GPSM1: variants seen among roughly 807,000 people sequenced by gnomAD.
GPSM1 encodes the protein G protein-signaling modulator 1.
In GPSM1, 48 loss-of-function variants were observed where a neutral mutation model predicts 70.5. That is an observed-to-expected ratio of 0.68 (90% CI 0.54 to 0.87). GPSM1 has a LOEUF of 0.87. Ranked by LOEUF, GPSM1 falls within the 40% of genes least tolerant of loss-of-function variation. GPSM1 has a pLI of 0.00. For missense variants in GPSM1, 981 were observed against 972.6 expected (o/e 1.01, Z -0.11); for synonymous variants, 416 against 430.1 (o/e 0.97, Z 0.41).
At chr9:136,349,853 C>G (rs1832615925) in intron 11 of GPSM1, 90 bp downstream of exon 11, 1 of 1,272,694 alleles carries the variant, frequency 7.9e-7, no homozygotes, top group Non-Finnish European at 1.1e-6. Context: ...GGGGCCAGGT[C>G]AGGCCCGGGC....
chr9:136,348,623 A>C lies in GPSM1; in HGVS notation c.1208-74A>C, dbSNP rs1554771609. 17 of 1,169,802 alleles carry C rather than the reference A, an allele frequency of 1.5e-5. No individual in the cohort carries two copies. The East Asian group carries it at 3.7e-4, about 26-fold the overall frequency. The allele number at this position is 1,169,802 out of a possible 1,614,324, so 72.5% of individuals were successfully genotyped here. A position where few individuals can be genotyped will look rare whatever the true frequency, so the allele number is the denominator to read the frequency against. Reference sequence around the variant, plus strand: ...TGGCCGGGCTGGTCCTTGGCCCCCCAGAGACTCTGGCCTGGCCCACCCAAT... The same window carrying C: ...TGGCCGGGCTGGTCCTTGGCCCCCCCGAGACTCTGGCCTGGCCCACCCAAT... On this transcript the variant is annotated intron_variant, in intron 9 of 13. Coordinates refer to ENST00000440944, the MANE Select transcript of GPSM1 (RefSeq NM_001145638.3).
At position 136,358,403 on chromosome 9, in the gene GPSM1, C is replaced by G. The variant is rs1288427842; in HGVS notation, c.*183C>G. On this transcript the variant is annotated 3_prime_UTR_variant, in exon 14 of 14. Coordinates refer to ENST00000440944, the MANE Select transcript of GPSM1 (RefSeq NM_001145638.3). ...CCGTGGTGGGAGGGCGTGCTTCCAT[C>G]CCGGGCTGGCCCCCATGGCCCTCAG... The G allele has an allele frequency of 1.6e-6, 1 of 611,198 alleles. No homozygotes were observed. The highest frequency in any genetic ancestry group is 2.8e-6 in the Non-Finnish European group (1 of 357,408). 37.9% of individuals were successfully genotyped at this position (611,198 alleles called of 1,614,324 possible). A position where few individuals can be genotyped will look rare whatever the true frequency, so the allele number is the denominator to read the frequency against.
At position 136,359,534 on chromosome 9, in the gene GPSM1, G is replaced by A. The variant is rs1000747664; in HGVS notation, c.*1314G>A. On this transcript the variant is annotated 3_prime_UTR_variant, in exon 14 of 14. Transcript: ENST00000440944. ...CACGTCTGTGCCATGTTGTCAATGG[G>A]TCCTTTCCAACCCAAGAGGTACATT... 1.3e-5 allele frequency: 2 copies of A among 152,350 alleles called. No homozygotes were observed. Among genetic ancestry groups the A allele is most frequent in the African/African-American group, 4.8e-5 (2 of 41,432 alleles). The allele number at this position is 152,350 out of a possible 1,614,324, so 9.4% of individuals were successfully genotyped here.
chr9:136,350,017 G>A (rs1163340087), intron 11 of GPSM1, among the ~76,000 whole-genome samples: 1 of 152,216 alleles, frequency 6.6e-6, no homozygotes, highest in East Asian at 1.9e-4. Flanking sequence ...GGGACTCTAG[G>A]CTGGGCTCTT....
Position 136,358,067 on chromosome 9 carries a change from C to T in GPSM1, c.1875C>T (p.Gly625=), listed in dbSNP as rs1554773523. The T allele has an allele frequency of 1.2e-6, 2 of 1,612,788 alleles. No homozygotes were observed. The highest frequency in any genetic ancestry group is 1.7e-5 in the Admixed American group (1 of 60,010). The part of the protein sequence containing the change: ...RCPPPDVLPR[G]PTMPDEDFFS... ...CGCCACCTGACGTACTGCCCCGGGGCCCTACCATGCCGGACGAGGACTTCT... is the reference window on the plus strand; with the variant it reads ...CGCCACCTGACGTACTGCCCCGGGGTCCTACCATGCCGGACGAGGACTTCT... Residue 625 remains glycine (G), a synonymous_variant, in exon 14 of 14, where the codon GGC becomes GGT. Transcript: ENST00000440944.
At chr9:136,334,862 C>T (rs1471129001) in intron 2 of GPSM1, among the ~76,000 whole-genome samples, 194 bp downstream of exon 2, 1 of 150,946 alleles carries the variant, frequency 6.6e-6, no homozygotes, top group Non-Finnish European at 1.5e-5. Flanking sequence ...GTGAGTGGGG[C>T]GGCCCTGCTG....
intron 5 of GPSM1, 57 bp downstream of exon 5, chr9:136,337,621 A>T: frequency 6.7e-7 from 1 of 1,498,154 alleles, no homozygotes. Flanking sequence ...GGCAGGGCTG[A>T]GCCACCCTCT....
intron 3 of GPSM1, 145 bp from the exon 4 acceptor site, chr9:136,336,776 C>A: frequency 1.3e-6 from 1 of 780,320 alleles, no homozygotes; most frequent in Admixed American, 3.0e-5. Context: ...AGGCTTCCGC[C>A]CCTGCCTTAG....
intron 1 of GPSM1, among the ~76,000 whole-genome samples, chr9:136,332,684 G>A (rs1473329250): frequency 3.9e-5 from 6 of 152,070 alleles, no homozygotes; most frequent in African/African-American, 1.4e-4. Flanking sequence ...TGACCCACGT[G>A]GCATCCGGAT....
Position 136,337,898 on chromosome 9 carries a change from A to T in GPSM1, c.755A>T (p.Tyr252Phe). 6.2e-7 allele frequency: 1 copy of T among 1,612,724 alleles called. No homozygotes were observed. The highest frequency in any genetic ancestry group is 8.5e-7 in the Non-Finnish European group (1 of 1,179,862). ...FGDKAAERRAYSNLGNAHVFL... is the reference protein window; with the variant it reads ...FGDKAAERRAFSNLGNAHVFL... ...GACAAGGCAGCCGAGAGGAGGGCCT[A>T]CAGCAACCTGGGGAACGCCCACGTC... Residue 252 changes from tyrosine to phenylalanine, a missense_variant, in exon 6 of 14, where the codon TAC becomes TTC. Transcript: ENST00000440944.
At position 136,343,032 on chromosome 9, in the gene GPSM1, C is replaced by T. The variant is rs1554770605; in HGVS notation, c.1207+2039C>T. Among the ~76,000 whole-genome samples the T allele has an allele frequency of 1.3e-5, 2 of 152,120 alleles. No homozygotes were observed. Among genetic ancestry groups the T allele is most frequent in the African/African-American group, 4.8e-5 (2 of 41,400 alleles). On this transcript the variant is annotated intron_variant, in intron 9 of 13. Coordinates refer to ENST00000440944, the MANE Select transcript of GPSM1 (RefSeq NM_001145638.3). This position sits in a 1 kb window ranked among gnomAD's most constrained non-coding sequence, Gnocchi z 6.0. The stretch of plus-strand genomic sequence containing the variant: ...TACGTGCGGCTGGAGGACAAAGAGC[C>T]TTGGCGCGGCTCAGTCAGCGTATTA...
chr9:136,329,318 G>A (rs574666065), intron 1 of GPSM1, among the ~76,000 whole-genome samples: 8 of 152,356 alleles, frequency 5.3e-5, no homozygotes, highest in Admixed American at 3.9e-4. Flanking sequence ...GCACCCCACC[G>A]TGTAGCCACA....
In GPSM1 at chr9:136,357,927, G is replaced by A. The variant is rs776656526; in HGVS notation, c.1822-87G>A. The A allele has an allele frequency of 3.2e-5, 33 of 1,045,836 alleles. 1 individual carries two copies. The highest frequency in any genetic ancestry group is 7.3e-5 in the Admixed American group (4 of 54,452). 64.8% of individuals were successfully genotyped at this position (1,045,836 alleles called of 1,614,324 possible). A position where few individuals can be genotyped will look rare whatever the true frequency, so the allele number is the denominator to read the frequency against. ...AGGGGGAAGCCCGTGAACAGTGCAC[G>A]CTGGCCTCTGGAACCACCGCTGCTG... is the stretch of plus-strand genomic sequence containing the variant. On this transcript the variant is annotated intron_variant, in intron 13 of 13. Coordinates refer to ENST00000440944, the MANE Select transcript of GPSM1 (RefSeq NM_001145638.3).
At chr9:136,353,350 G>A (rs1262189179) in intron 11 of GPSM1, among the ~76,000 whole-genome samples, 1 of 152,220 alleles carries the variant, frequency 6.6e-6, no homozygotes, top group Non-Finnish European at 1.5e-5. Flanking sequence ...GAGGGAGCCA[G>A]GGCTTGGGGC....
rs782324363 is a variant in GPSM1, at chr9:136,355,712, C to T, written c.1478C>T (p.Ser493Leu). Residue 493 changes from serine to leucine, a missense_variant, in exon 12 of 14, where the codon TCG becomes TTG. By Grantham distance (145) the Ser-to-Leu change is moderately radical. Coordinates refer to ENST00000440944, the MANE Select transcript of GPSM1 (RefSeq NM_001145638.3). The part of the protein sequence containing the change: ...PRTSIPRAPS[S>L]DEECFFDLLT... ...CAGAGCATCCCGAGGGCCCCGTCTTCGGACGAGGAGTGCTTCTTTGACCTG... is the reference window on the plus strand; with the variant it reads ...CAGAGCATCCCGAGGGCCCCGTCTTTGGACGAGGAGTGCTTCTTTGACCTG... 5.0e-6 allele frequency: 8 copies of T among 1,612,146 alleles called. No individual in the cohort carries two copies. Among genetic ancestry groups the T allele is most frequent in the East Asian group, 2.2e-5 (1 of 44,884 alleles).
intron 13 of GPSM1, among the ~76,000 whole-genome samples, chr9:136,357,287 C>T (rs1365403259): frequency 2.0e-5 from 3 of 152,150 alleles, no homozygotes; most frequent in African/African-American, 7.2e-5. Context: ...TGGCCCACCA[C>T]GAACCAAGCC....
chr9:136,347,544 G>A (rs368588019), intron 9 of GPSM1, among the ~76,000 whole-genome samples: 12 of 152,150 alleles, frequency 7.9e-5, no homozygotes, highest in East Asian at 3.9e-4. Flanking sequence ...TGTCAGCCTC[G>A]TTCCGCCGTC....
rs542802304 is a variant in GPSM1 at position 136,340,862 on chromosome 9, C to T, written c.1084-8C>T. The T allele has an allele frequency of 3.3e-5, 51 of 1,563,900 alleles. No homozygotes were observed. Among genetic ancestry groups the T allele is most frequent in the African/African-American group, 6.8e-5 (5 of 73,766 alleles). The stretch of plus-strand genomic sequence containing the variant: ...CACCTGCCCGCTCCGCCACCCCACT[C>T]GCCGCAGATCGGGGACCGCCATGGG... On this transcript the variant is annotated splice_polypyrimidine_tract_variant and splice_region_variant and intron_variant, in intron 8 of 13. Coordinates refer to ENST00000440944, the MANE Select transcript of GPSM1 (RefSeq NM_001145638.3). The surrounding 1 kb of genome is among the most constrained non-coding windows in gnomAD (Gnocchi z 7.3).
rs1197274910 is a variant in GPSM1, at chr9:136,358,626, G to C, written c.*406G>C. The C allele has an allele frequency of 1.3e-5, 4 of 303,046 alleles. No individual in the cohort carries two copies. The South Asian group carries it at 1.4e-4, about 11-fold the overall frequency. The allele number at this position is 303,046 out of a possible 1,614,324, so 18.8% of individuals were successfully genotyped here. ...CGCCTCTTGGGGCCACCAAGGACAGGGCCATGTTCTGTCCCCCCAGAGCTG... is the reference window on the plus strand; with the variant it reads ...CGCCTCTTGGGGCCACCAAGGACAGCGCCATGTTCTGTCCCCCCAGAGCTG... On this transcript the variant is annotated 3_prime_UTR_variant, in exon 14 of 14. Coordinates refer to ENST00000440944, the MANE Select transcript of GPSM1 (RefSeq NM_001145638.3).
Sources: allele counts gnomAD v4.1 joint callset (sites outside exome capture counted in the v4.1 genomes callset), GRCh38; gene constraint gnomAD v4.1.1; non-coding constraint Gnocchi (gnomAD v3.1); transcripts MANE v1.5; gene names NCBI Gene and HGNC (gene_info 2026-07-23, HGNC 2026-07-21).